The following SIPA1L3 variants were observed in gnomAD, a reference collection of about 807,000 sequenced individuals.
SIPA1L3 encodes signal-induced proliferation-associated 1-like protein 3.
Under a neutral mutation model 150.1 loss-of-function variants are expected in SIPA1L3, and 59 were observed. The observed-to-expected ratio is 0.39, with a 90% CI of 0.32 to 0.49. The LOEUF is 0.49. Ranked by LOEUF, SIPA1L3 falls within the 20% of genes least tolerant of loss-of-function variation. SIPA1L3 has a pLI of 0.86. For synonymous variants in SIPA1L3, 1,070 were observed against 1,077.6 expected (o/e 0.99, Z 0.14); for missense variants, 2,211 against 2,489.5 (o/e 0.89, Z 2.38).
chr19:37,972,732 T>C (rs143796962), intron 1 of SIPA1L3, among the ~76,000 whole-genome samples: 19 of 152,242 alleles, frequency 1.2e-4, no homozygotes, highest in African/African-American at 4.6e-4. Context: ...AACTGCAATG[T>C]GATAATATAC....
intron 2 of SIPA1L3, among the ~76,000 whole-genome samples, chr19:38,052,282 C>A (rs770144769): frequency 2.0e-5 from 3 of 151,664 alleles, no homozygotes; most frequent in Non-Finnish European, 4.4e-5. Context: ...GGAAGGAATT[C>A]AATACAGGGA....
At chr19:38,205,506 A>G (rs548301640) in intron 21 of SIPA1L3, among the ~76,000 whole-genome samples, 1 of 151,604 alleles carries the variant, frequency 6.6e-6, no homozygotes, top group East Asian at 1.9e-4. Flanking sequence ...TATTGTTTCT[A>G]TACTTCTGGG....
intron 1 of SIPA1L3, among the ~76,000 whole-genome samples, chr19:37,945,651 C>T (rs546328312): frequency 6.6e-6 from 1 of 152,280 alleles, no homozygotes; most frequent in East Asian, 1.9e-4. Context: ...GAGATCCCCC[C>T]GTGTCTGTGG....
intron 4 of SIPA1L3, among the ~76,000 whole-genome samples, chr19:38,092,119 G>A (rs1377307965): frequency 1.3e-5 from 2 of 151,328 alleles, no homozygotes; most frequent in East Asian, 3.9e-4. Context: ...GCTCACACTT[G>A]TAATCCCAGC....
intron 1 of SIPA1L3, among the ~76,000 whole-genome samples, chr19:37,950,615 G>A (rs1010621913): frequency 2.0e-5 from 3 of 152,336 alleles, no homozygotes; most frequent in African/African-American, 4.8e-5. Flanking sequence ...AGCTGATGGC[G>A]GGCTTGGTTC....
chr19:38,006,989 G>T (rs943649855), intron 1 of SIPA1L3, among the ~76,000 whole-genome samples: 15 of 152,232 alleles, frequency 9.9e-5, no homozygotes, highest in African/African-American at 3.4e-4. Context: ...GTAAGGCCCT[G>T]ATAAGAGGGG....
At chr19:38,199,382 C>A (rs565961622) in intron 19 of SIPA1L3, among the ~76,000 whole-genome samples, 1 of 152,274 alleles carries the variant, frequency 6.6e-6, no homozygotes, top group East Asian at 1.9e-4. Context: ...ACTGACCACT[C>A]CCCCGCAACC....
At chr19:38,085,325 A>G (rs1970101155) in intron 3 of SIPA1L3, among the ~76,000 whole-genome samples, 1 of 151,930 alleles carries the variant, frequency 6.6e-6, no homozygotes, top group Admixed American at 6.6e-5. Context: ...CTAAAAATAC[A>G]AAAAATTAGC....
Position 38,133,113 on chromosome 19 carries a change from A to G in SIPA1L3, c.3143+2341A>G, listed in dbSNP as rs145482636. ...AAGATGGAAGCTTGCTTAGGCCCCA[A>G]TGGGATGTCTTTCGGCCGCAGCACT... is the stretch of plus-strand genomic sequence containing the variant. On this transcript the variant is annotated intron_variant, in intron 10 of 21. Transcript: ENST00000222345. 7.3e-4 allele frequency among the ~76,000 whole-genome samples: 111 copies of G among 152,302 alleles called. 1 individual carries two copies. The highest frequency in any genetic ancestry group is 3.4e-3 in the Middle Eastern group (1 of 294).
intron 15 of SIPA1L3, among the ~76,000 whole-genome samples, chr19:38,175,931 G>A (rs1600172331): frequency 6.6e-6 from 1 of 152,166 alleles, no homozygotes; most frequent in East Asian, 1.9e-4. Flanking sequence ...GTTCAGGCTG[G>A]GCGCTGTGGC....
At chr19:38,168,092 G>T (rs182436815) in intron 15 of SIPA1L3, among the ~76,000 whole-genome samples, 1 of 152,090 alleles carries the variant, frequency 6.6e-6, no homozygotes, top group Non-Finnish European at 1.5e-5. Flanking sequence ...AAATGAATAC[G>T]TGTGCGCTCC....
At chr19:38,023,185 A>T (rs1410797979) in intron 1 of SIPA1L3, among the ~76,000 whole-genome samples, 1 of 152,184 alleles carries the variant, frequency 6.6e-6, no homozygotes, top group Non-Finnish European at 1.5e-5. Context: ...CAGCACAGTG[A>T]AATCCTCATA....
At chr19:37,993,369 T>C (rs985830998) in intron 1 of SIPA1L3, among the ~76,000 whole-genome samples, 3 of 152,190 alleles carry the variant, frequency 2.0e-5, no homozygotes, top group Non-Finnish European at 4.4e-5. Flanking sequence ...TTCACTCTTA[T>C]TGCCCAGGCT....
At chr19:37,930,777 G>A (rs2046546580) in intron 1 of SIPA1L3, among the ~76,000 whole-genome samples, 1 of 152,070 alleles carries the variant, frequency 6.6e-6, no homozygotes, top group South Asian at 2.1e-4. Context: ...GTCCTCCTAG[G>A]TTGTTGGGAG....
chr19:37,966,211 A>G (rs954599620), intron 1 of SIPA1L3, among the ~76,000 whole-genome samples: 1 of 152,204 alleles, frequency 6.6e-6, no homozygotes, highest in Non-Finnish European at 1.5e-5. Flanking sequence ...GTTTGAAGAA[A>G]TGTTCCTCAG....
intron 5 of SIPA1L3, among the ~76,000 whole-genome samples, chr19:38,100,409 G>A (rs1347885291): frequency 1.3e-5 from 2 of 152,168 alleles, no homozygotes; most frequent in South Asian, 4.1e-4. Context: ...GCATATATGT[G>A]TCTATAGTGG....
intron 1 of SIPA1L3, among the ~76,000 whole-genome samples, chr19:37,977,807 A>G (rs1967110239): frequency 6.6e-6 from 1 of 152,160 alleles, no homozygotes; most frequent in East Asian, 1.9e-4. Context: ...AGTGATTTGC[A>G]CGGTCTCCTC....
intron 1 of SIPA1L3, among the ~76,000 whole-genome samples, chr19:37,950,025 C>T (rs1310136006): frequency 7.6e-6 from 1 of 131,920 alleles, no homozygotes; most frequent in Non-Finnish European, 1.5e-5. Context: ...TGCAGTGAGC[C>T]AAGATGGCGC....
chr19:38,160,513 T>C (rs1252050054), intron 13 of SIPA1L3, among the ~76,000 whole-genome samples: 20 of 151,956 alleles, frequency 1.3e-4, no homozygotes, highest in Admixed American at 1.3e-3. Context: ...GCGATTCTTC[T>C]GCCTCAGCCT....
Sources: allele counts gnomAD v4.1 joint callset (sites outside exome capture counted in the v4.1 genomes callset), GRCh38; gene constraint gnomAD v4.1.1; transcripts MANE v1.5; gene names NCBI Gene and HGNC (gene_info 2026-07-23, HGNC 2026-07-21).